SAE1: variants seen among roughly 807,000 people sequenced by gnomAD.
SAE1 encodes SUMO-activating enzyme subunit 1.
In SAE1, 11 loss-of-function variants were observed where a neutral mutation model predicts 40.6. The ratio of observed to expected loss-of-function variants is 0.27; its 90% CI spans 0.17 to 0.45. The LOEUF is 0.45. Among genes scored for constraint, SAE1 ranks in the 20% least tolerant of loss-of-function variants. The pLI is 1.00. For missense variants in SAE1, 373 were observed against 427.3 expected (o/e 0.87, Z 1.12); for synonymous variants, 155 against 154.3 (o/e 1.00, Z -0.03).
intron 6 of SAE1, among the ~76,000 whole-genome samples, chr19:47,195,217 G>C (rs2058606303): frequency 1.3e-5 from 2 of 151,202 alleles, no homozygotes. Context: ...ACCACGCCTG[G>C]CTAATTTTTG....
At chr19:47,160,776 G>T (rs566875703) in intron 5 of SAE1, among the ~76,000 whole-genome samples, 2 of 150,482 alleles carry the variant, frequency 1.3e-5, no homozygotes, top group Non-Finnish European at 3.0e-5. Flanking sequence ...TGATCCACCC[G>T]CCTCAGCCTC....
intron 5 of SAE1, among the ~76,000 whole-genome samples, chr19:47,163,251 C>CA (rs78034057): frequency 0.029 from 3,258 of 110,970 alleles, 95 homozygotes; most frequent in African/African-American, 0.092. Context: ...GGAGTACATC[C>CA]AAAAAAAAAA....
Position 47,142,147 on chromosome 19 carries a change from G to T in SAE1, c.99-1347G>T, listed in dbSNP as rs898755883. ...GCCTGTAATCCCAGCACTTTGGGAG[G>T]CTGAGGCAGGTGGATCACTTGAGGT... On this transcript the variant is annotated intron_variant, in intron 1 of 8. Transcript: ENST00000270225. 3.9e-5 allele frequency among the ~76,000 whole-genome samples: 6 copies of T among 152,112 alleles called. 1 individual carries two copies. The highest frequency in any genetic ancestry group is 3.9e-4 in the Admixed American group (6 of 15,256).
intron 1 of SAE1, among the ~76,000 whole-genome samples, chr19:47,134,675 G>A (rs190876606): frequency 1.3e-5 from 2 of 152,288 alleles, no homozygotes; most frequent in East Asian, 3.9e-4. Flanking sequence ...TGCGGCAGCA[G>A]ATAGCTTTGT....
chr19:47,194,200 TCTGGCACAAAGTAAGTGCCAGG>T (rs1413216216), intron 6 of SAE1, among the ~76,000 whole-genome samples: 2 of 152,210 alleles, frequency 1.3e-5, no homozygotes, highest in Non-Finnish European at 2.9e-5. Flanking sequence ...CCCAGGTCTG[TCTGGCACAAAGTAAGTGCCAGG>T]CTGGTGGAGT....
In SAE1 at chr19:47,209,188, C is replaced by A; in HGVS notation, c.978C>A (p.Asn326Lys). Residue 326 changes from asparagine to lysine, a missense_variant, in exon 9 of 9, where the codon AAC (asparagine) becomes AAA (lysine). By Grantham distance (94) the Asn-to-Lys change is moderately conservative. Coordinates refer to ENST00000270225, the MANE Select transcript of SAE1 (RefSeq NM_005500.3). ...TGTCTCAGCGGGACCCTCCTCACAA[C>A]AACTTCTTCTTCTTCGATGGCATGA... ...KALSQRDPPH[N>K]NFFFFDGMKG... The A allele has an allele frequency of 6.2e-7, 1 of 1,614,050 alleles. No homozygotes were observed. Among genetic ancestry groups the A allele is most frequent in the Non-Finnish European group, 8.5e-7 (1 of 1,180,010 alleles).
intron 1 of SAE1, among the ~76,000 whole-genome samples, chr19:47,133,777 C>A (rs2058161708): frequency 6.6e-6 from 1 of 152,034 alleles, no homozygotes; most frequent in Non-Finnish European, 1.5e-5. Flanking sequence ...GATGGAATTG[C>A]CATTTTGAAA....
chr19:47,145,009 GT>G (rs955924218), intron 2 of SAE1, among the ~76,000 whole-genome samples: 4 of 143,432 alleles, frequency 2.8e-5, no homozygotes, highest in African/African-American at 7.7e-5. Context: ...GTTTTGTTTT[GT>G]TTTTTTTTTG....
At chr19:47,175,253 C>T (rs937806549) in intron 6 of SAE1, among the ~76,000 whole-genome samples, 7 of 151,570 alleles carry the variant, frequency 4.6e-5, no homozygotes, top group Admixed American at 2.6e-4. Context: ...TTCCTGGCAC[C>T]TAAGTTGATA....
intron 3 of SAE1, 44 bp from the exon 4 acceptor site, chr19:47,152,854 C>T (rs1286226850): frequency 6.3e-7 from 1 of 1,594,158 alleles, no homozygotes; most frequent in Admixed American, 1.7e-5. Context: ...CAGTGATTCA[C>T]AGTTTGCAAA....
At chr19:47,146,652 G>A (rs2058256843) in intron 2 of SAE1, among the ~76,000 whole-genome samples, 1 of 152,162 alleles carries the variant, frequency 6.6e-6, no homozygotes, top group Non-Finnish European at 1.5e-5. Context: ...TTTACAGATG[G>A]GAAAACTGAG....
At chr19:47,136,540 G>A (rs2058181607) in intron 1 of SAE1, among the ~76,000 whole-genome samples, 2 of 137,090 alleles carry the variant, frequency 1.5e-5, no homozygotes, top group Admixed American at 1.6e-4. Context: ...TTGTTACCCA[G>A]ACTGGAGTAT....
chr19:47,175,199 C>A (rs2058461981), intron 6 of SAE1, among the ~76,000 whole-genome samples: 1 of 146,468 alleles, frequency 6.8e-6, no homozygotes, highest in African/African-American at 2.5e-5. Context: ...GGGGGATATC[C>A]AAGTTGAGTG....
chr19:47,199,339 C>A (rs1186911907), intron 7 of SAE1, among the ~76,000 whole-genome samples: 1 of 141,706 alleles, frequency 7.1e-6, no homozygotes, highest in African/African-American at 2.7e-5. Context: ...GAGCTGAGAT[C>A]ACGCCACTGC....
In SAE1 at chr19:47,151,558, G is replaced by A. The variant is rs148183764; in HGVS notation, c.384+1183G>A. On this transcript the variant is annotated intron_variant, in intron 3 of 8. Coordinates refer to ENST00000270225, the MANE Select transcript of SAE1 (RefSeq NM_005500.3). ...ATGATCTTGGCTCACTGCAACCTCCGCCTCCCTGGTTTAAGCAGTTTTCTG... is the reference window on the plus strand; with the variant it reads ...ATGATCTTGGCTCACTGCAACCTCCACCTCCCTGGTTTAAGCAGTTTTCTG... Among the ~76,000 whole-genome samples, 544 of 151,920 alleles carry A rather than the reference G, an allele frequency of 3.6e-3. 5 individuals carry two copies. Among genetic ancestry groups the A allele is most frequent in the African/African-American group, 0.012 (518 of 41,442 alleles).
chr19:47,131,254 AG>A, intron 1 of SAE1: 1 of 1,182,906 alleles, frequency 8.5e-7, no homozygotes, highest in Non-Finnish European at 1.1e-6. Context: ...GGAGCTCTGA[AG>A]GGGGCGTTGG....
intron 1 of SAE1, among the ~76,000 whole-genome samples, chr19:47,134,942 T>A (rs1403298416): frequency 6.6e-6 from 1 of 152,062 alleles, no homozygotes; most frequent in Non-Finnish European, 1.5e-5. Context: ...GGGAAGAGGT[T>A]GTTTGTAATT....
chr19:47,151,912 C>T (rs552744388), intron 3 of SAE1, among the ~76,000 whole-genome samples: 2 of 152,304 alleles, frequency 1.3e-5, no homozygotes, highest in Admixed American at 1.3e-4. Context: ...CTGGTCCTTG[C>T]AGGTTTTATA....
At chr19:47,163,648 A>G (rs764869157) in intron 5 of SAE1, among the ~76,000 whole-genome samples, 82 of 152,184 alleles carry the variant, frequency 5.4e-4, no homozygotes, top group Non-Finnish European at 9.7e-4. Context: ...AATCACTTGA[A>G]CTTGGGAGGC....
Sources: gnomAD v4.1 joint callset for allele counts (sites outside exome capture counted in the v4.1 genomes callset) on GRCh38, gnomAD v4.1.1 for gene constraint, MANE v1.5 for transcripts, NCBI Gene and HGNC (gene_info 2026-07-23, HGNC 2026-07-21) for gene names.